SEMA5A: variants seen among roughly 807,000 people sequenced by gnomAD.
The protein encoded by SEMA5A is semaphorin-5A.
In SEMA5A, 55 loss-of-function variants were observed where a neutral mutation model predicts 135.5. The ratio of observed to expected loss-of-function variants is 0.41; its 90% CI spans 0.33 to 0.51. The LOEUF is 0.51. Ranked by LOEUF, SEMA5A falls within the 20% of genes least tolerant of loss-of-function variation. The pLI is 0.37. For missense variants in SEMA5A, 1,290 were observed against 1,419.9 expected, an observed-to-expected ratio of 0.91 and a Z score of 1.47; for synonymous variants, 580 against 546.5, an observed-to-expected ratio of 1.06 and a Z score of -0.85.
chr5:9,292,559 A>G (rs555358078), intron 5 of SEMA5A, among the ~76,000 whole-genome samples: 1 of 152,282 alleles, frequency 6.6e-6, no homozygotes, highest in South Asian at 2.1e-4. Flanking sequence ...ATTTCCATAA[A>G]CCAAAGGGAA....
chr5:9,266,235 A>G (rs1266035378), intron 5 of SEMA5A, among the ~76,000 whole-genome samples: 1 of 152,208 alleles, frequency 6.6e-6, no homozygotes, highest in Non-Finnish European at 1.5e-5. Flanking sequence ...AGTTTGATAT[A>G]TCAGATAACA....
chr5:9,467,399 A>G lies in SEMA5A; in HGVS notation c.-174-29547T>C, dbSNP rs570132018. On this transcript the variant is annotated intron_variant, in intron 1 of 22. Transcript: ENST00000382496. The stretch of plus-strand genomic sequence containing the variant: ...AGTGCTGGGATTACAAACGTGAGCC[A>G]CCGCGCCCGGCTGCATGAACTGTTC... Among the ~76,000 whole-genome samples the G allele has an allele frequency of 2.2e-3, 337 of 152,258 alleles. 1 individual carries two copies. The highest frequency in any genetic ancestry group is 7.4e-3 in the African/African-American group (307 of 41,548).
intron 2 of SEMA5A, among the ~76,000 whole-genome samples, chr5:9,381,977 TGTGTGCGCGC>T (rs1223635634): frequency 1.9e-3 from 226 of 119,118 alleles, no homozygotes; most frequent in Non-Finnish European, 3.0e-3. Context: ...TGTGTGTGTG[TGTGTGCGCGC>T]GCGCGCACAT....
At chr5:9,376,203 C>T (rs1755355404) in intron 3 of SEMA5A, among the ~76,000 whole-genome samples, 1 of 152,092 alleles carries the variant, frequency 6.6e-6, no homozygotes, top group African/African-American at 2.4e-5. Context: ...AGATGACTTC[C>T]AATGCCAGGC....
intron 20 of SEMA5A, 42 bp downstream of exon 20, chr5:9,051,831 G>A: frequency 1.9e-6 from 3 of 1,611,280 alleles, no homozygotes; most frequent in Non-Finnish European, 2.5e-6. Flanking sequence ...TCTCCATGTT[G>A]GAAATGATTT....
chr5:9,093,869 C>G (rs570897132), intron 16 of SEMA5A, among the ~76,000 whole-genome samples: 1 of 152,180 alleles, frequency 6.6e-6, no homozygotes, highest in East Asian at 1.9e-4. Flanking sequence ...GGTGTGAATC[C>G]CATGTCCTTG....
chr5:9,136,536 T>C lies in SEMA5A; in HGVS notation c.1567A>G (p.Thr523Ala). ...CTSLEESLSM[T>A]QWEQSISACP... ...GCAGAGATGCTCTGTTCCCACTGCG[T>C]CATGCTCAGGCTCTCCTCCAGGCTT... Residue 523 changes from threonine (T) to alanine (A), a missense_variant, in exon 13 of 23, where the codon ACG becomes GCG. Coordinates refer to ENST00000382496, the MANE Select transcript of SEMA5A (RefSeq NM_003966.3). 1 of 1,614,150 alleles carries C rather than the reference T, an allele frequency of 6.2e-7. No individual in the cohort carries two copies. Among genetic ancestry groups the C allele is most frequent in the Non-Finnish European group, 8.5e-7 (1 of 1,180,004 alleles).
chr5:9,183,478 C>G (rs113272200), intron 11 of SEMA5A, among the ~76,000 whole-genome samples: 1 of 152,182 alleles, frequency 6.6e-6, no homozygotes, highest in East Asian at 1.9e-4. Flanking sequence ...GCGCCACAGA[C>G]GCCTGACCAC....
intron 1 of SEMA5A, among the ~76,000 whole-genome samples, chr5:9,533,305 T>A (rs889868820): frequency 3.3e-5 from 5 of 152,218 alleles, no homozygotes; most frequent in African/African-American, 1.2e-4. Flanking sequence ...CAACATTGGC[T>A]TGCTCCTCTG....
chr5:9,468,070 T>C (rs1202784837), intron 1 of SEMA5A, among the ~76,000 whole-genome samples: 1 of 152,082 alleles, frequency 6.6e-6, no homozygotes, highest in African/African-American at 2.4e-5. Context: ...CACATCTTGG[T>C]AACTACCAAG....
At chr5:9,153,662 C>A (rs1388527468) in intron 12 of SEMA5A, among the ~76,000 whole-genome samples, 1 of 152,060 alleles carries the variant, frequency 6.6e-6, no homozygotes, top group Non-Finnish European at 1.5e-5. Context: ...TCAACCACTC[C>A]TTCTTCTCAA....
chr5:9,315,197 C>T (rs991386034), intron 5 of SEMA5A, among the ~76,000 whole-genome samples: 1 of 152,154 alleles, frequency 6.6e-6, no homozygotes, highest in Non-Finnish European at 1.5e-5. Context: ...CACCTAGATT[C>T]CCCTGTTAAC....
intron 4 of SEMA5A, among the ~76,000 whole-genome samples, chr5:9,331,799 A>T (rs1280809898): frequency 2.0e-5 from 3 of 152,246 alleles, no homozygotes; most frequent in Non-Finnish European, 4.4e-5. Flanking sequence ...TTGAATACTT[A>T]CAGCAAATTC....
At chr5:9,531,478 C>T (rs997040256) in intron 1 of SEMA5A, among the ~76,000 whole-genome samples, 1 of 152,172 alleles carries the variant, frequency 6.6e-6, no homozygotes, top group South Asian at 2.1e-4. Flanking sequence ...CTTCCTTCAG[C>T]CCCAGCAAGT....
At chr5:9,161,379 C>A (rs1012743909) in intron 11 of SEMA5A, among the ~76,000 whole-genome samples, 12 of 151,678 alleles carry the variant, frequency 7.9e-5, no homozygotes, top group Admixed American at 5.3e-4. Flanking sequence ...TCAGACTCCA[C>A]AAAAGTAATT....
intron 1 of SEMA5A, among the ~76,000 whole-genome samples, chr5:9,523,402 A>T (rs1736946684): frequency 6.6e-6 from 1 of 152,228 alleles, no homozygotes; most frequent in Non-Finnish European, 1.5e-5. Context: ...AATTGTAAAC[A>T]TTTAAAGTGA....
At chr5:9,121,063 C>T (rs1231317318) in intron 14 of SEMA5A, among the ~76,000 whole-genome samples, 4 of 152,066 alleles carry the variant, frequency 2.6e-5, no homozygotes, top group African/African-American at 9.7e-5. Flanking sequence ...CAGGCGTGAG[C>T]GACCATGCCA....
In SEMA5A at chr5:9,040,138, T is replaced by C. The variant is rs1275892281; in HGVS notation, c.*2759A>G. On this transcript the variant is annotated 3_prime_UTR_variant, in exon 23 of 23. Transcript: ENST00000382496. The stretch of plus-strand genomic sequence containing the variant: ...TATGTGTTGGTTTTTGTTCCACTTG[T>C]ACCAAGAAAATAGGAAGAAAGGAAG... 1 of 151,772 alleles carries C rather than the reference T, an allele frequency of 6.6e-6. No individual in the cohort carries two copies. Among genetic ancestry groups the C allele is most frequent in the Non-Finnish European group, 1.5e-5 (1 of 67,974 alleles). The allele number at this position is 151,772 out of a possible 1,614,324, so 9.4% of individuals were successfully genotyped here. A position where few individuals can be genotyped will look rare whatever the true frequency, so the allele number is the denominator to read the frequency against.
At chr5:9,453,615 T>C (rs113543029) in intron 1 of SEMA5A, among the ~76,000 whole-genome samples, 15 of 152,256 alleles carry the variant, frequency 9.9e-5, no homozygotes, top group African/African-American at 3.4e-4. Flanking sequence ...AAATAAGTTG[T>C]TTTTAACAAA....
Sources: gnomAD v4.1 joint callset for allele counts (sites outside exome capture counted in the v4.1 genomes callset) on GRCh38, gnomAD v4.1.1 for gene constraint, MANE v1.5 for transcripts, NCBI Gene and HGNC (gene_info 2026-07-23, HGNC 2026-07-21) for gene names.